Variants in MED13L observed in about 807,000 individuals in gnomAD.
The protein encoded by MED13L is mediator of RNA polymerase II transcription subunit 13-like.
In MED13L, 7 loss-of-function variants were observed where a neutral mutation model predicts 220.9. The ratio of observed to expected loss-of-function variants is 0.03; its 90% CI spans 0.02 to 0.06. MED13L has a LOEUF of 0.06. Among genes scored for constraint, MED13L ranks in the 10% least tolerant of loss-of-function variants. MED13L has a pLI of 1.00. For synonymous variants in MED13L, 1,011 were observed against 1,015.2 expected, an observed-to-expected ratio of 1.00 and a Z score of 0.08; for missense variants, 1,965 against 2,760.5, an observed-to-expected ratio of 0.71 and a Z score of 6.46.
At position 115,991,089 on chromosome 12, in the gene MED13L, G is replaced by T; in HGVS notation, c.3865C>A (p.Pro1289Thr). 1 of 1,614,140 alleles carries T rather than the reference G, an allele frequency of 6.2e-7. No homozygotes were observed. Among genetic ancestry groups the T allele is most frequent in the Non-Finnish European group, 8.5e-7 (1 of 1,180,022 alleles). ...GCTTCGTCCACTTTTCCACCAGTGG[G>T]GTTATCCACATACTGCCGCCCCTGC... ...LEQGRQYVDN[P>T]TGGKVDEALV... Residue 1289 changes from proline (P) to threonine (T), a missense_variant, in exon 17 of 31, where the codon CCC becomes ACC. Around this residue, in one of 10 missense-constraint regions of MED13L, gnomAD observed 165 missense variants for 190.8 expected, o/e 0.86. Coordinates refer to ENST00000281928, the MANE Select transcript of MED13L (RefSeq NM_015335.5). The surrounding 1 kb of genome is among the most constrained non-coding windows in gnomAD (Gnocchi z 7.7).
rs1315341379 is a variant in MED13L, at chr12:115,991,091, T to A, written c.3863A>T (p.Asn1288Ile). Residue 1288 changes from asparagine to isoleucine, a missense_variant, in exon 17 of 31, where the codon AAC becomes ATC. Coordinates refer to ENST00000281928, the MANE Select transcript of MED13L (RefSeq NM_015335.5). The surrounding 1 kb of genome is among the most constrained non-coding windows in gnomAD (Gnocchi z 7.7). ...TTCGTCCACTTTTCCACCAGTGGGG[T>A]TATCCACATACTGCCGCCCCTGCTC... The part of the protein sequence containing the change: ...ALEQGRQYVD[N>I]PTGGKVDEAL... 6.2e-7 allele frequency: 1 copy of A among 1,614,146 alleles called. No individual in the cohort carries two copies. The highest frequency in any genetic ancestry group is 8.5e-7 in the Non-Finnish European group (1 of 1,180,028).
chr12:116,015,945 C>T (rs1225587177), intron 7 of MED13L, among the ~76,000 whole-genome samples: 2 of 152,082 alleles, frequency 1.3e-5, no homozygotes, highest in Non-Finnish European at 2.9e-5. Context: ...AGTAACTCCA[C>T]TTAGTTTTTT....
chr12:115,967,189 A>C (rs999851567), intron 28 of MED13L, among the ~76,000 whole-genome samples: 1 of 151,638 alleles, frequency 6.6e-6, no homozygotes, highest in African/African-American at 2.4e-5. Flanking sequence ...AAAAAAAAAA[A>C]AAAAAAACCT....
At chr12:116,138,103 G>A (rs914920476) in intron 2 of MED13L, among the ~76,000 whole-genome samples, 12 of 152,040 alleles carry the variant, frequency 7.9e-5, no homozygotes, top group African/African-American at 1.9e-4. Context: ...CAATCCGCCC[G>A]CCTCAGCCTC....
chr12:115,985,435 A>G (rs1056823487), intron 19 of MED13L, among the ~76,000 whole-genome samples: 6 of 152,226 alleles, frequency 3.9e-5, no homozygotes, highest in African/African-American at 7.2e-5. Flanking sequence ...TAGATCATGA[A>G]TGTCCTGTTT....
chr12:116,194,489 G>A (rs533304370), intron 2 of MED13L, among the ~76,000 whole-genome samples: 1 of 151,958 alleles, frequency 6.6e-6, no homozygotes, highest in African/African-American at 2.4e-5. Context: ...TTAAGTACAG[G>A]GTATTTCCTA....
chr12:116,276,155 G>A (rs1417823392), intron 1 of MED13L, among the ~76,000 whole-genome samples: 1 of 152,124 alleles, frequency 6.6e-6, no homozygotes, highest in African/African-American at 2.4e-5. Flanking sequence ...CGGGTGCCAG[G>A]CTTCCACGAG....
intron 1 of MED13L, among the ~76,000 whole-genome samples, chr12:116,269,351 C>T (rs547456216): frequency 2.6e-5 from 4 of 151,828 alleles, no homozygotes; most frequent in East Asian, 3.9e-4. Context: ...GCACCGCACC[C>T]GGCCTATCAT....
At chr12:116,076,596 G>T (rs966064746) in intron 4 of MED13L, among the ~76,000 whole-genome samples, 1 of 152,032 alleles carries the variant, frequency 6.6e-6, no homozygotes, top group Non-Finnish European at 1.5e-5. Flanking sequence ...AACAGTCCCA[G>T]GGCACATTAA....
At chr12:116,012,454 A>G (rs1879468097) in intron 9 of MED13L, among the ~76,000 whole-genome samples, 2 of 152,216 alleles carry the variant, frequency 1.3e-5, no homozygotes, top group African/African-American at 4.8e-5. Flanking sequence ...TATTGACTCA[A>G]GCCCATCTGT....
chr12:116,037,135 T>C (rs924439391), intron 4 of MED13L, among the ~76,000 whole-genome samples: 1 of 152,192 alleles, frequency 6.6e-6, no homozygotes, highest in Non-Finnish European at 1.5e-5. Flanking sequence ...AAGTACATTA[T>C]TACAATACAA....
intron 2 of MED13L, among the ~76,000 whole-genome samples, chr12:116,227,554 G>A (rs1869127205): frequency 6.6e-6 from 1 of 152,072 alleles, no homozygotes; most frequent in African/African-American, 2.4e-5. Flanking sequence ...CTGTTATGGT[G>A]GATCTGTGAT....
chr12:116,205,991 T>C (rs2138330341), intron 2 of MED13L, among the ~76,000 whole-genome samples: 1 of 147,952 alleles, frequency 6.8e-6, no homozygotes, highest in South Asian at 2.1e-4. Flanking sequence ...AAAGTGGCAA[T>C]GATTAATTGG....
rs1879924766 is a variant in MED13L at position 116,019,470 on chromosome 12, T to C, written c.821-58A>G. 3 of 1,567,412 alleles carry C rather than the reference T, an allele frequency of 1.9e-6. No individual in the cohort carries two copies. In the African/African-American group the frequency reaches 4.1e-5, roughly 21 times the overall value. On this transcript the variant is annotated intron_variant, in intron 6 of 30. Transcript: ENST00000281928. ...ACTGAGAAAGAATTCATACAAGACT[T>C]CCAATTTTATGATTCCAATGGTGAA...
chr12:116,135,700 G>A (rs1054642473), intron 2 of MED13L, among the ~76,000 whole-genome samples: 2 of 152,102 alleles, frequency 1.3e-5, no homozygotes, highest in Non-Finnish European at 1.5e-5. Context: ...AACCAGGCTC[G>A]TGAGATGAAG....
At chr12:116,265,108 T>TACC (rs1301446321) in intron 1 of MED13L, among the ~76,000 whole-genome samples, 3 of 152,222 alleles carry the variant, frequency 2.0e-5, no homozygotes, top group Non-Finnish European at 4.4e-5. Flanking sequence ...TTATTTGAAC[T>TACC]ACCAAGCTGC....
intron 2 of MED13L, among the ~76,000 whole-genome samples, chr12:116,149,820 T>C (rs1228053752): frequency 1.3e-5 from 2 of 152,230 alleles, no homozygotes; most frequent in Non-Finnish European, 2.9e-5. Flanking sequence ...GTTCCTTTCA[T>C]ATGCCCCTAT....
At chr12:116,217,564 A>G (rs374505645) in intron 2 of MED13L, among the ~76,000 whole-genome samples, 20 of 152,308 alleles carry the variant, frequency 1.3e-4, no homozygotes, top group Admixed American at 6.5e-4. Context: ...AAGAGAAACA[A>G]ACTGCTGATG....
intron 2 of MED13L, among the ~76,000 whole-genome samples, chr12:116,148,004 A>G (rs1877679551): frequency 7.3e-6 from 1 of 137,014 alleles, no homozygotes; most frequent in Non-Finnish European, 1.6e-5. Context: ...GTGAGCCAAA[A>G]TCATGCCACT....
Sources: allele counts gnomAD v4.1 joint callset (sites outside exome capture counted in the v4.1 genomes callset), GRCh38; gene constraint gnomAD v4.1.1; regional missense constraint gnomAD v4.1.1; non-coding constraint Gnocchi (gnomAD v3.1); transcripts MANE v1.5; gene names NCBI Gene and HGNC (gene_info 2026-07-23, HGNC 2026-07-21).